CHCHD6: variants seen among roughly 807,000 people sequenced by gnomAD.
CHCHD6 encodes coiled-coil-helix-coiled-coil-helix domain containing 6, also known as MICOS complex subunit MIC25.
CHCHD6 carries 28 observed loss-of-function variants against 32.3 expected under a neutral mutation model. The observed-to-expected ratio is 0.87, with a 90% confidence interval of 0.64 to 1.19. The LOEUF (loss-of-function observed/expected upper bound fraction) is 1.19. Among genes scored for constraint, CHCHD6 ranks in the 50% most tolerant of loss-of-function variants. The probability of loss-of-function intolerance (pLI) is 0.00; values close to 1 mark genes in which losing one functional copy is unlikely to be tolerated. For synonymous variants in CHCHD6, 122 were observed against 117.5 expected (o/e 1.04, Z -0.25); for missense variants, 333 against 307.0 (o/e 1.08, Z -0.63).
rs184688029 is a variant in CHCHD6 at position 126,875,699 on chromosome 3, T to A, written c.495+22969T>A. On this transcript the variant is annotated intron_variant, in intron 5 of 7. Coordinates refer to ENST00000290913, the MANE Select transcript of CHCHD6 (RefSeq NM_032343.3). ...TCCTTAGAATCCTACAGTCCCAGGG[T>A]TTAGACTCTAACCCGGGGAGGTAAA... Among the ~76,000 whole-genome samples the A allele has an allele frequency of 2.8e-4, 42 of 152,324 alleles. No individual in the cohort carries two copies. In the East Asian group the frequency reaches 7.7e-3, roughly 28 times the overall value.
chr3:126,853,373 G>A (rs1468090514), intron 5 of CHCHD6, among the ~76,000 whole-genome samples: 1 of 152,086 alleles, frequency 6.6e-6, no homozygotes, highest in Non-Finnish European at 1.5e-5. Context: ...TTAAAATGTG[G>A]GAGGGGATGG....
intron 6 of CHCHD6, chr3:126,953,286 C>CT (rs1200464462): frequency 2.2e-5 from 6 of 273,630 alleles, no homozygotes; most frequent in Non-Finnish European, 3.3e-5. Flanking sequence ...ATTATGCAGA[C>CT]TCGCTAATGC....
At chr3:126,708,650 GAA>G (rs552128932) in intron 1 of CHCHD6, among the ~76,000 whole-genome samples, 136 of 90,980 alleles carry the variant, frequency 1.5e-3, no homozygotes, top group African/African-American at 3.4e-3. Flanking sequence ...CCCATCTCTT[GAA>G]AAAAAAAAAA....
intron 4 of CHCHD6, among the ~76,000 whole-genome samples, chr3:126,794,118 C>G (rs1229234885): frequency 6.6e-6 from 1 of 152,012 alleles, no homozygotes; most frequent in Non-Finnish European, 1.5e-5. Context: ...AGCTTCTTGA[C>G]TCTACAGGGT....
Position 126,948,756 on chromosome 3 carries a change from T to C in CHCHD6, c.567-8660T>C, listed in dbSNP as rs537566260. 9.2e-5 allele frequency among the ~76,000 whole-genome samples: 14 copies of C among 152,338 alleles called. No individual in the cohort carries two copies. In the South Asian group the frequency reaches 1.0e-3, roughly 11 times the overall value. On this transcript the variant is annotated intron_variant, in intron 6 of 7. Transcript: ENST00000290913. The stretch of plus-strand genomic sequence containing the variant: ...TGACTTAATCCAAAAGTGGAACATA[T>C]AGGTTTGTGCTACAGGAAAGCTAAA...
At chr3:126,766,754 G>A (rs1242891777) in intron 4 of CHCHD6, 7 of 1,140,266 alleles carry the variant, frequency 6.1e-6, no homozygotes, top group East Asian at 2.4e-5. Context: ...GTAGATTCAC[G>A]GGAGGTGTTG....
At chr3:126,755,500 C>G (rs956062143) in intron 4 of CHCHD6, among the ~76,000 whole-genome samples, 1 of 152,154 alleles carries the variant, frequency 6.6e-6, no homozygotes, top group African/African-American at 2.4e-5. Context: ...TTCTTGAAAT[C>G]CTGTCATTTC....
intron 5 of CHCHD6, among the ~76,000 whole-genome samples, chr3:126,864,797 C>T (rs1479693863): frequency 6.7e-6 from 1 of 149,088 alleles, no homozygotes; most frequent in Non-Finnish European, 1.5e-5. Context: ...ACCTCCTCCT[C>T]CACCGTCACC....
At chr3:126,812,142 T>C (rs1018683577) in intron 4 of CHCHD6, among the ~76,000 whole-genome samples, 1 of 151,888 alleles carries the variant, frequency 6.6e-6, no homozygotes, top group Non-Finnish European at 1.5e-5. Context: ...AGTGGCTCTT[T>C]TCCAAGTTTC....
Position 126,852,672 on chromosome 3 carries a change from C to T in CHCHD6, c.437C>T (p.Ala146Val). 4 of 1,613,796 alleles carry T rather than the reference C, an allele frequency of 2.5e-6. No individual in the cohort carries two copies. Among genetic ancestry groups the T allele is most frequent in the Non-Finnish European group, 1.7e-6 (2 of 1,179,776 alleles). Residue 146 changes from alanine (A) to valine (V), a missense_variant, in exon 5 of 8, where the codon GCA becomes GTA. Coordinates refer to ENST00000290913, the MANE Select transcript of CHCHD6 (RefSeq NM_032343.3). ...RLARELESRE[A>V]ELRRRDTFYK... ...GCCAGGGAGCTGGAGAGCAGAGAGGCAGAGCTAAGACGCCGTGACACCTTC... is the reference window on the plus strand; with the variant it reads ...GCCAGGGAGCTGGAGAGCAGAGAGGTAGAGCTAAGACGCCGTGACACCTTC...
chr3:126,953,016 T>G, intron 6 of CHCHD6: 1 of 985,462 alleles, frequency 1.0e-6, no homozygotes, highest in Non-Finnish European at 1.2e-6. Flanking sequence ...ATGCCAATGA[T>G]TCCTTCAGGG....
chr3:126,864,872 TCTC>T (rs1388211294), intron 5 of CHCHD6, among the ~76,000 whole-genome samples: 18 of 51,314 alleles, frequency 3.5e-4, no homozygotes, highest in Middle Eastern at 0.014. Context: ...TCCACCATCA[TCTC>T]CTCCTCCTCC....
In CHCHD6 at chr3:126,914,766, T is replaced by G. The variant is rs2078145609; in HGVS notation, c.566+16T>G. On this transcript the variant is annotated intron_variant, in intron 6 of 7. Coordinates refer to ENST00000290913, the MANE Select transcript of CHCHD6 (RefSeq NM_032343.3). ...GCACAATAAAGTAAGAATTTGTTTA[T>G]TATTCTTTGTAAACTTGGCCCACAA... 1 of 1,468,100 alleles carries G rather than the reference T, an allele frequency of 6.8e-7. No individual in the cohort carries two copies. Among genetic ancestry groups the G allele is most frequent in the Non-Finnish European group, 9.6e-7 (1 of 1,046,680 alleles). 90.9% of individuals were successfully genotyped at this position (1,468,100 alleles called of 1,614,324 possible). A position where few individuals can be genotyped will look rare whatever the true frequency, so the allele number is the denominator to read the frequency against.
chr3:126,841,822 G>A (rs1941096609), intron 4 of CHCHD6, among the ~76,000 whole-genome samples: 1 of 152,092 alleles, frequency 6.6e-6, no homozygotes, highest in Non-Finnish European at 1.5e-5. Flanking sequence ...GCTGAGGTGG[G>A]AAGATTGCTT....
At chr3:126,886,460 CTGAGT>C (rs1193674490) in intron 5 of CHCHD6, among the ~76,000 whole-genome samples, 1 of 152,216 alleles carries the variant, frequency 6.6e-6, no homozygotes, top group Non-Finnish European at 1.5e-5. Flanking sequence ...CAGTAGCCAT[CTGAGT>C]TATCAGACCA....
chr3:126,768,602 G>C (rs1231333075), intron 4 of CHCHD6, among the ~76,000 whole-genome samples: 1 of 152,132 alleles, frequency 6.6e-6, no homozygotes, highest in Non-Finnish European at 1.5e-5. Context: ...GAGATTGCTG[G>C]GTTGAATGAT....
intron 4 of CHCHD6, among the ~76,000 whole-genome samples, chr3:126,813,784 C>T (rs2107532750): frequency 6.6e-6 from 1 of 152,312 alleles, no homozygotes; most frequent in Admixed American, 6.5e-5. Context: ...CTTTGCCAGT[C>T]TTCCAGGAAT....
Position 126,960,052 on chromosome 3 carries a change from T to G in CHCHD6, c.703-144T>G, listed in dbSNP as rs2078838684. The G allele has an allele frequency of 7.8e-6, 7 of 891,902 alleles. No individual in the cohort carries two copies. In the East Asian group the frequency reaches 1.9e-4, roughly 24 times the overall value. 55.2% of individuals were successfully genotyped at this position (891,902 alleles called of 1,614,324 possible). A position where few individuals can be genotyped will look rare whatever the true frequency, so the allele number is the denominator to read the frequency against. ...CTCCGGGGTACAGAGGTGAAGAGAC[T>G]CACTGATGGGTCTCCAGGTGAGGAG... is the stretch of plus-strand genomic sequence containing the variant. On this transcript the variant is annotated intron_variant, in intron 7 of 7. Transcript: ENST00000290913.
chr3:126,818,521 A>G (rs1007500420), intron 4 of CHCHD6, among the ~76,000 whole-genome samples: 2 of 152,234 alleles, frequency 1.3e-5, no homozygotes, highest in Non-Finnish European at 2.9e-5. Flanking sequence ...CAGCGAAGGC[A>G]TATGGAGTGA....
Sources: gnomAD v4.1 joint callset for allele counts (sites outside exome capture counted in the v4.1 genomes callset) on GRCh38, gnomAD v4.1.1 for gene constraint, MANE v1.5 for transcripts, NCBI Gene and HGNC (gene_info 2026-07-23, HGNC 2026-07-21) for gene names.